PHACTR3: variants seen among roughly 807,000 people sequenced by gnomAD.
PHACTR3 encodes the protein phosphatase and actin regulator 3, also known as protein phosphatase 1, regulatory subunit 123.
Under a neutral mutation model 66.8 loss-of-function variants are expected in PHACTR3, and 16 were observed. That is an observed-to-expected ratio of 0.24 (90% CI 0.16 to 0.36). PHACTR3 has a LOEUF of 0.36. Among genes scored for constraint, PHACTR3 ranks in the 10% least tolerant of loss-of-function variants. PHACTR3 has a pLI of 1.00. For missense variants in PHACTR3, 647 were observed against 719.9 expected (o/e 0.90, Z 1.16); for synonymous variants, 323 against 292.1 (o/e 1.11, Z -1.08).
chr20:59,648,523 C>T (rs1004786037), intron 1 of PHACTR3, among the ~76,000 whole-genome samples: 1 of 152,268 alleles, frequency 6.6e-6, no homozygotes, highest in Non-Finnish European at 1.5e-5. Context: ...AAAATCTCCT[C>T]GTGATTTCTT....
At chr20:59,713,117 G>A (rs547587152) in intron 1 of PHACTR3, among the ~76,000 whole-genome samples, 20 of 152,348 alleles carry the variant, frequency 1.3e-4, no homozygotes, top group African/African-American at 4.6e-4. Flanking sequence ...CAGGGTGGAG[G>A]TGGGAAAACA....
At chr20:59,607,436 A>G (rs1473805395) in intron 1 of PHACTR3, among the ~76,000 whole-genome samples, 2 of 152,188 alleles carry the variant, frequency 1.3e-5, no homozygotes, top group Non-Finnish European at 2.9e-5. Context: ...CTGTGGAATA[A>G]CCTCACACAG....
intron 3 of PHACTR3, among the ~76,000 whole-genome samples, chr20:59,749,641 G>T (rs991391694): frequency 6.6e-6 from 1 of 152,164 alleles, no homozygotes; most frequent in Non-Finnish European, 1.5e-5. Context: ...GTCAGATAGT[G>T]CATATTTCAG....
chr20:59,840,862 T>G (rs1376801183), intron 10 of PHACTR3, among the ~76,000 whole-genome samples: 3 of 152,216 alleles, frequency 2.0e-5, no homozygotes, highest in African/African-American at 7.2e-5. Context: ...CAAAGGTTTG[T>G]TCTCTGTGAC....
At chr20:59,617,316 T>C (rs958626495) in intron 1 of PHACTR3, among the ~76,000 whole-genome samples, 6 of 152,200 alleles carry the variant, frequency 3.9e-5, no homozygotes, top group Non-Finnish European at 8.8e-5. Context: ...CCATGATGGC[T>C]TCAGGTTAAA....
intron 1 of PHACTR3, among the ~76,000 whole-genome samples, chr20:59,720,328 A>G (rs927252776): frequency 5.3e-5 from 8 of 152,326 alleles, no homozygotes; most frequent in East Asian, 1.9e-4. Flanking sequence ...CTGCCCATCA[A>G]TGAATCCAGG....
At chr20:59,783,745 C>T (rs1354071670) in intron 7 of PHACTR3, among the ~76,000 whole-genome samples, 2 of 152,226 alleles carry the variant, frequency 1.3e-5, no homozygotes, top group Non-Finnish European at 2.9e-5. Context: ...TGATACAAGC[C>T]AGGGTCCCAG....
intron 1 of PHACTR3, among the ~76,000 whole-genome samples, chr20:59,681,842 C>T (rs750140159): frequency 8.6e-5 from 13 of 151,958 alleles, no homozygotes; most frequent in Non-Finnish European, 1.6e-4. Flanking sequence ...GAAACCCTGT[C>T]TCTACTAAAA....
At chr20:59,586,325 C>T (rs1235534854) in intron 1 of PHACTR3, among the ~76,000 whole-genome samples, 1 of 152,196 alleles carries the variant, frequency 6.6e-6, no homozygotes, top group Non-Finnish European at 1.5e-5. Flanking sequence ...TTACGAGTGT[C>T]CGAAACAGCT....
At chr20:59,785,723 C>T (rs2040882536) in intron 7 of PHACTR3, among the ~76,000 whole-genome samples, 1 of 152,216 alleles carries the variant, frequency 6.6e-6, no homozygotes, top group African/African-American at 2.4e-5. Context: ...CAAGTCACAT[C>T]CACAGAGGAA....
intron 1 of PHACTR3, among the ~76,000 whole-genome samples, chr20:59,631,471 A>C (rs1436171237): frequency 6.6e-6 from 1 of 152,016 alleles, no homozygotes; most frequent in South Asian, 2.1e-4. Context: ...TTGGGTAGCT[A>C]TGGAGGGAGG....
chr20:59,709,063 A>G (rs1245995946), intron 1 of PHACTR3, among the ~76,000 whole-genome samples: 11 of 152,166 alleles, frequency 7.2e-5, no homozygotes, highest in Admixed American at 7.2e-4. Flanking sequence ...AAGATATTGG[A>G]AGACATGCTC....
chr20:59,775,854 C>G (rs1038085238), intron 7 of PHACTR3, among the ~76,000 whole-genome samples: 1 of 152,206 alleles, frequency 6.6e-6, no homozygotes, highest in African/African-American at 2.4e-5. Flanking sequence ...GGTCCCTCAG[C>G]CTCAGCGCTG....
intron 1 of PHACTR3, among the ~76,000 whole-genome samples, chr20:59,686,125 G>A (rs964992303): frequency 6.6e-6 from 1 of 152,274 alleles, no homozygotes; most frequent in Non-Finnish European, 1.5e-5. Flanking sequence ...TTAAAGACAG[G>A]AATTCAGCTC....
At chr20:59,742,196 A>C (rs1182469) in intron 1 of PHACTR3, among the ~76,000 whole-genome samples, 1 of 152,090 alleles carries the variant, frequency 6.6e-6, no homozygotes, top group Non-Finnish European at 1.5e-5. Context: ...CTTTGGCCTG[A>C]TTATCTCAGA....
At chr20:59,838,848 C>A (rs1293072323) in intron 9 of PHACTR3, among the ~76,000 whole-genome samples, 1 of 151,978 alleles carries the variant, frequency 6.6e-6, no homozygotes, top group East Asian at 1.9e-4. Context: ...AATAAGAAAT[C>A]CATAAACATA....
intron 1 of PHACTR3, chr20:59,577,752 C>G: frequency 1.9e-6 from 1 of 530,900 alleles, no homozygotes; most frequent in Non-Finnish European, 2.6e-6. Flanking sequence ...CCGCTGCGCC[C>G]CCAGCCACAG....
intron 12 of PHACTR3, 94 bp downstream of exon 12, chr20:59,845,359 CA>C: frequency 1.3e-6 from 1 of 774,828 alleles, no homozygotes; most frequent in South Asian, 1.7e-5. Context: ...TCCAGCTATA[CA>C]AATTCAGCAT....
At chr20:59,796,497 C>T (rs1274402003) in intron 7 of PHACTR3, among the ~76,000 whole-genome samples, 1 of 152,126 alleles carries the variant, frequency 6.6e-6, no homozygotes, top group Non-Finnish European at 1.5e-5. Flanking sequence ...TGTCCTTTCA[C>T]TTCTGGTTGA....
Sources: gnomAD v4.1 joint callset for allele counts (sites outside exome capture counted in the v4.1 genomes callset) on GRCh38, gnomAD v4.1.1 for gene constraint, MANE v1.5 for transcripts, NCBI Gene and HGNC (gene_info 2026-07-23, HGNC 2026-07-21) for gene names.